The following MEG3 variants were observed in gnomAD, a reference collection of about 807,000 sequenced individuals.
MEG3 encodes the protein Very putative protein from MEG3 locus.
chr14:100,836,728 AG>A (rs751054713), intron 2 of MEG3, among the ~76,000 whole-genome samples: 3 of 152,164 alleles, frequency 2.0e-5, no homozygotes, highest in Non-Finnish European at 2.9e-5. Context: ...CCTGCTCCTC[AG>A]CTAGGAAGAC....
At chr14:100,841,047 G>T (rs2037741471) in intron 2 of MEG3, among the ~76,000 whole-genome samples, 2 of 152,200 alleles carry the variant, frequency 1.3e-5, no homozygotes, top group South Asian at 4.1e-4. Context: ...GAGAGGAGGG[G>T]GTCATGGTGG....
upstream of MEG3, chr14:100,852,827 G>C: frequency 5.2e-6 from 1 of 190,740 alleles, no homozygotes. Context: ...TCTAGGGGCT[G>C]TCCTGACGGG....
At chr14:100,844,798 C>T (rs146114014) in intron 2 of MEG3, among the ~76,000 whole-genome samples, 113 of 152,066 alleles carry the variant, frequency 7.4e-4, no homozygotes, top group African/African-American at 1.6e-3. Flanking sequence ...GCCTGCTGCC[C>T]GATTTTTATA....
At chr14:100,841,566 C>T (rs2037760118) in intron 2 of MEG3, among the ~76,000 whole-genome samples, 1 of 152,206 alleles carries the variant, frequency 6.6e-6, no homozygotes, top group Non-Finnish European at 1.5e-5. Flanking sequence ...CCCGAGGTTG[C>T]ACGGTGAGCC....
upstream of MEG3, chr14:100,852,543 G>A (rs764638317): frequency 6.3e-5 from 27 of 431,332 alleles, no homozygotes; most frequent in Non-Finnish European, 1.2e-4. Flanking sequence ...TGAGGTCTGG[G>A]GGTGCACTTA....
In MEG3 at chr14:100,827,091, C is replaced by T. The variant is rs573432444; in HGVS notation, n.372-1617C>T. 2.6e-5 allele frequency among the ~76,000 whole-genome samples: 4 copies of T among 152,030 alleles called. No individual in the cohort carries two copies. The South Asian group carries it at 6.2e-4, about 24-fold the overall frequency. ...ACGCTGGGAGCTGGGGATGGGGTGC[C>T]GCGGGGGTCTTCAGAGCGTTGCGTG... is the stretch of plus-strand genomic sequence containing the variant. On this transcript the variant is annotated intron_variant and non_coding_transcript_variant, in intron 1 of 2. Coordinates refer to ENST00000556407, the Ensembl canonical transcript of MEG3.
At chr14:100,840,303 C>G (rs1229132966) in intron 2 of MEG3, among the ~76,000 whole-genome samples, 2 of 152,146 alleles carry the variant, frequency 1.3e-5, no homozygotes, top group Non-Finnish European at 2.9e-5. Context: ...TGAATAGGGT[C>G]TTTGGCAGGG....
intron 3 of MEG3, chr14:100,847,353 C>T (rs1029267926): frequency 6.6e-6 from 1 of 152,148 alleles, no homozygotes; most frequent in South Asian, 2.1e-4. Context: ...GGGAGTGCAG[C>T]GCCAGGTGAC....
chr14:100,856,753 C>G (rs576090212), upstream of MEG3: 4 of 152,332 alleles, frequency 2.6e-5, no homozygotes, highest in South Asian at 2.1e-4. Flanking sequence ...CGTTCACGCT[C>G]ACCTCTGAGA....
At chr14:100,833,459 C>T (rs977010754), downstream of MEG3, 2 of 152,206 alleles carry the variant, frequency 1.3e-5, no homozygotes, top group African/African-American at 4.8e-5. Context: ...GGGGTTTCAC[C>T]ATGTTGGTCA....
exon 1 of MEG3, chr14:100,857,543 G>A (rs1367582609): frequency 6.6e-6 from 1 of 152,252 alleles, no homozygotes; most frequent in Non-Finnish European, 1.5e-5. Context: ...CCCACAGTCA[G>A]TGGCATGTGC....
intron 2 of MEG3, among the ~76,000 whole-genome samples, chr14:100,836,723 T>A (rs962854624): frequency 6.6e-6 from 1 of 152,164 alleles, no homozygotes; most frequent in Non-Finnish European, 1.5e-5. Context: ...GCTTGCCTGC[T>A]CCTCAGCTAG....
intron 1 of MEG3, among the ~76,000 whole-genome samples, chr14:100,827,249 C>T (rs1485073768): frequency 1.3e-5 from 2 of 149,742 alleles, no homozygotes; most frequent in South Asian, 2.1e-4. Flanking sequence ...CTGGTGGGGG[C>T]GCAGGCGGGT....
downstream of MEG3, chr14:100,831,784 G>GCAATTTAACTA (rs1381557629): frequency 6.6e-6 from 1 of 152,182 alleles, no homozygotes; most frequent in Non-Finnish European, 1.5e-5. Flanking sequence ...GTCGCTGCCT[G>GCAATTTAACTA]GGTTCGAGTC....
At chr14:100,831,522 C>T (rs757243906), downstream of MEG3, 1 of 152,704 alleles carries the variant, frequency 6.5e-6, no homozygotes, top group Non-Finnish European at 1.5e-5. Context: ...TCCGTGGAAG[C>T]ACGCTCACAA....
intron 1 of MEG3, among the ~76,000 whole-genome samples, chr14:100,827,694 T>G (rs558961292): frequency 1.3e-5 from 2 of 151,774 alleles, no homozygotes; most frequent in Non-Finnish European, 2.9e-5. Context: ...TTTGGAGGCG[T>G]GATGTTGATG....
chr14:100,860,735 G>C (rs1009621118), intron 1 of MEG3: 3 of 456,380 alleles, frequency 6.6e-6, no homozygotes, highest in Non-Finnish European at 1.3e-5. Context: ...CCACGGGACA[G>C]GCTGGACCCA....
At chr14:100,829,581 TA>T (rs2037341868), downstream of MEG3, 1 of 152,192 alleles carries the variant, frequency 6.6e-6, no homozygotes, top group African/African-American at 2.4e-5. Context: ...TTAAATGAGA[TA>T]AAAGAGGCCT....
exon 1 of MEG3, chr14:100,858,118 A>T (rs1015322857): frequency 1.3e-5 from 2 of 152,200 alleles, no homozygotes; most frequent in African/African-American, 2.4e-5. Context: ...TGCACAAACA[A>T]CCTGTGCATT....
Sources: allele counts gnomAD v4.1 joint callset (sites outside exome capture counted in the v4.1 genomes callset), GRCh38; gene constraint gnomAD v4.1.1; transcripts MANE v1.5; gene names NCBI Gene and HGNC (gene_info 2026-07-23, HGNC 2026-07-21).